Variants in R3HDM1 observed in about 807,000 individuals in gnomAD.
R3HDM1 encodes the protein R3H domain containing 1.
A neutral mutation model predicts 141.1 loss-of-function variants in R3HDM1; 46 were observed. That is an observed-to-expected ratio of 0.33 (90% confidence interval 0.26 to 0.42). The LOEUF (loss-of-function observed/expected upper bound fraction) is 0.42, where lower values mean the gene tolerates loss of function less well. R3HDM1 is among the 10% of genes least tolerant of loss of function. R3HDM1 has a pLI of 1.00. For synonymous variants in R3HDM1, 435 were observed against 472.9 expected (o/e 0.92, Z 1.04); for missense variants, 1,184 against 1,368.3 (o/e 0.87, Z 2.12).
At position 135,651,979 on chromosome 2, in the gene R3HDM1, G is replaced by A; in HGVS notation, c.1975G>A (p.Val659Ile). ...TAGYPASGHP[V>I]SQPVLQQQGY... ...TGGATATCCTGCCTCTGGTCATCCT[G>A]TCAGCCAGCCTGTGCTCCAGCAGCA... The change falls in exon 18 of 27, where the codon GTC becomes ATC. Residue 659 changes from valine (V) to isoleucine (I), a missense_variant. Physicochemically the swap from Val to Ile is conservative, Grantham distance 29 (BLOSUM62 3). Coordinates refer to ENST00000683871, the MANE Select transcript of R3HDM1 (RefSeq NM_001378107.1). 1.2e-6 allele frequency: 2 copies of A among 1,611,650 alleles called. No homozygotes were observed. The highest frequency in any genetic ancestry group is 1.7e-6 in the Non-Finnish European group (2 of 1,178,530).
Position 135,547,921 on chromosome 2 carries a change from G to A in R3HDM1, c.-250+16288G>A, listed in dbSNP as rs570825974. 4.5e-4 allele frequency among the ~76,000 whole-genome samples: 69 copies of A among 151,686 alleles called. 1 individual carries two copies. The highest frequency in any genetic ancestry group is 1.4e-3 in the African/African-American group (60 of 41,386). On this transcript the variant is annotated intron_variant, in intron 1 of 26. Coordinates refer to ENST00000683871, the MANE Select transcript of R3HDM1 (RefSeq NM_001378107.1). Reference sequence around the variant, plus strand: ...CCCGAGTAGCTGGGACTACAGGCGCGTGCCACCACACCCAGCTAATTTTTG... The same window carrying A: ...CCCGAGTAGCTGGGACTACAGGCGCATGCCACCACACCCAGCTAATTTTTG...
intron 21 of R3HDM1, among the ~76,000 whole-genome samples, chr2:135,708,145 G>T (rs901676107): frequency 2.0e-5 from 3 of 152,076 alleles, no homozygotes; most frequent in Non-Finnish European, 4.4e-5. Context: ...AGGCATCATA[G>T]TATTTCATAT....
intron 1 of R3HDM1, among the ~76,000 whole-genome samples, chr2:135,546,946 A>G (rs1039530583): frequency 3.9e-5 from 6 of 152,210 alleles, no homozygotes; most frequent in Admixed American, 2.6e-4. Flanking sequence ...TGTTGGGATT[A>G]CAGCCATGAG....
intron 19 of R3HDM1, chr2:135,667,279 A>G: frequency 3.4e-6 from 3 of 891,832 alleles, no homozygotes; most frequent in East Asian, 1.2e-4. Context: ...ATCAGTTTAT[A>G]TTGTCCTAGT....
Position 135,709,419 on chromosome 2 carries a change from TG to T in R3HDM1, c.2460-13del. ...TCCTCCTCTCATTATGCTGTTTTTT[TG>T]TTTTTTCCATAGCTCTTCAGTAGGT... On this transcript the variant is annotated splice_polypyrimidine_tract_variant and intron_variant, in intron 21 of 26. Coordinates refer to ENST00000683871, the MANE Select transcript of R3HDM1 (RefSeq NM_001378107.1). The T allele has an allele frequency of 6.2e-7, 1 of 1,613,832 alleles. No individual in the cohort carries two copies.
intron 3 of R3HDM1, among the ~76,000 whole-genome samples, chr2:135,609,722 C>T (rs1294189228): frequency 2.0e-5 from 3 of 151,924 alleles, no homozygotes; most frequent in Admixed American, 6.6e-5. Flanking sequence ...TGATTTTCTT[C>T]GCGGATAGGT....
chr2:135,533,970 A>G lies in R3HDM1; in HGVS notation c.-250+2337A>G, dbSNP rs1254274319. 1.8e-5 allele frequency: 18 copies of G among 983,254 alleles called. No individual in the cohort carries two copies. In the Admixed American group the frequency reaches 1.1e-3, roughly 60 times the overall value. The allele number at this position is 983,254 out of a possible 1,614,324, so 60.9% of individuals were successfully genotyped here. On this transcript the variant is annotated intron_variant, in intron 1 of 26. Transcript: ENST00000683871. ...GCAATAAATATTAACTGTTATTTTC[A>G]TGCATATTTAGAGAATGGGTTTGTT...
chr2:135,673,821 T>C (rs1475683571), intron 19 of R3HDM1, among the ~76,000 whole-genome samples: 3 of 152,220 alleles, frequency 2.0e-5, no homozygotes, highest in African/African-American at 7.2e-5. Context: ...TTGGTTTTGG[T>C]TTTTTTCTGT....
chr2:135,581,842 C>A (rs60141999), intron 1 of R3HDM1, among the ~76,000 whole-genome samples: 6,750 of 152,190 alleles, frequency 0.044, 500 homozygotes, highest in African/African-American at 0.16. Context: ...ATTGTAAAAT[C>A]TCTCAGTTTA....
intron 16 of R3HDM1, 147 bp from the exon 17 acceptor site, chr2:135,649,755 T>C (rs2064939349): frequency 3.5e-6 from 1 of 285,216 alleles, no homozygotes; most frequent in Non-Finnish European, 5.8e-6. Context: ...TTGTATTGTT[T>C]TTGTTGTTTC....
At chr2:135,633,944 A>G (rs2062982197) in intron 9 of R3HDM1, 1 of 152,200 alleles carries the variant, frequency 6.6e-6, no homozygotes, top group South Asian at 2.1e-4. Flanking sequence ...ACTTTGGAAT[A>G]GCAGTCTCTC....
chr2:135,588,895 T>C (rs1392200332), intron 1 of R3HDM1, among the ~76,000 whole-genome samples: 1 of 152,176 alleles, frequency 6.6e-6, no homozygotes, highest in Non-Finnish European at 1.5e-5. Flanking sequence ...ACAGCAGATA[T>C]ATGCTAGTAT....
intron 1 of R3HDM1, among the ~76,000 whole-genome samples, chr2:135,554,715 G>C (rs989872880): frequency 1.1e-4 from 17 of 152,194 alleles, no homozygotes; most frequent in African/African-American, 3.4e-4. Flanking sequence ...ATTCATACAG[G>C]AAAAATGCCA....
chr2:135,587,481 G>A (rs987171774), intron 1 of R3HDM1, among the ~76,000 whole-genome samples: 2 of 152,070 alleles, frequency 1.3e-5, no homozygotes, highest in African/African-American at 4.8e-5. Flanking sequence ...GAATGTCATT[G>A]CTCTTTCTTT....
At position 135,622,743 on chromosome 2, in the gene R3HDM1, A is replaced by C; in HGVS notation, c.497+11A>C. 6.4e-7 allele frequency: 1 copy of C among 1,560,836 alleles called. No individual in the cohort carries two copies. The highest frequency in any genetic ancestry group is 1.2e-5 in the South Asian group (1 of 85,658). On this transcript the variant is annotated intron_variant, in intron 7 of 26. Coordinates refer to ENST00000683871, the MANE Select transcript of R3HDM1 (RefSeq NM_001378107.1). The stretch of plus-strand genomic sequence containing the variant: ...AAAAAACAATCCCAGGTAAAAATTA[A>C]ATTTATAAGGTTTCCATTGCTTCTA...
At chr2:135,666,817 T>A (rs2067573203) in intron 19 of R3HDM1, among the ~76,000 whole-genome samples, 1 of 151,842 alleles carries the variant, frequency 6.6e-6, no homozygotes, top group Non-Finnish European at 1.5e-5. Context: ...ACTAAAATAG[T>A]GCCACAGACA....
intron 21 of R3HDM1, among the ~76,000 whole-genome samples, chr2:135,699,045 A>AGATAGATAGATTGATT (rs202144929): frequency 1.5e-5 from 2 of 129,890 alleles, no homozygotes; most frequent in East Asian, 2.2e-4. Flanking sequence ...ATAGATAGAT[A>AGATAGATAGATTGATT]AGATAGATAA....
Position 135,724,375 on chromosome 2 carries a change from A to G in R3HDM1, c.*83A>G, listed in dbSNP as rs1376125770. ...GGCTTGGTATTTGGAGCTTCTGTTA[A>G]CATTATAGAGACTCCTAGGATGTGT... is the stretch of plus-strand genomic sequence containing the variant. On this transcript the variant is annotated 3_prime_UTR_variant, in exon 27 of 27. Transcript: ENST00000683871. The G allele has an allele frequency of 1.8e-6, 2 of 1,083,528 alleles. No individual in the cohort carries two copies. The highest frequency in any genetic ancestry group is 3.2e-5 in the African/African-American group (2 of 63,418). 67.1% of individuals were successfully genotyped at this position (1,083,528 alleles called of 1,614,324 possible).
At chr2:135,668,739 A>T (rs1198975575) in intron 19 of R3HDM1, among the ~76,000 whole-genome samples, 1 of 152,218 alleles carries the variant, frequency 6.6e-6, no homozygotes, top group Non-Finnish European at 1.5e-5. Flanking sequence ...TGTCCAGGTT[A>T]AAGCTGGCAC....
Sources: allele counts gnomAD v4.1 joint callset (sites outside exome capture counted in the v4.1 genomes callset), GRCh38; gene constraint gnomAD v4.1.1; transcripts MANE v1.5; gene names NCBI Gene and HGNC (gene_info 2026-07-23, HGNC 2026-07-21).